Variants in SLIT3 observed in about 807,000 individuals in gnomAD.
SLIT3 encodes slit guidance ligand 3, also known as slit homolog 3 protein.
Under a neutral mutation model 184.0 loss-of-function variants are expected in SLIT3, and 68 were observed. The ratio of observed to expected loss-of-function variants is 0.37; its 90% CI spans 0.30 to 0.45. The LOEUF (loss-of-function observed/expected upper bound fraction) is 0.45, where lower values mean the gene tolerates loss of function less well. SLIT3 is among the 20% of genes least tolerant of loss of function. SLIT3 has a pLI of 1.00. For missense variants in SLIT3, 1,707 were observed against 2,026.0 expected (o/e 0.84, Z 3.02); for synonymous variants, 831 against 828.6 (o/e 1.00, Z -0.05).
chr5:169,077,167 A>G (rs1453767952), intron 4 of SLIT3, among the ~76,000 whole-genome samples: 1 of 152,156 alleles, frequency 6.6e-6, no homozygotes. Flanking sequence ...ATCCATTTCC[A>G]TTTAATGAAT....
Position 168,688,950 on chromosome 5 carries a change from C to T in SLIT3, c.3177-1834G>A, listed in dbSNP as rs142912029. On this transcript the variant is annotated intron_variant, in intron 29 of 35. Coordinates refer to ENST00000519560, the MANE Select transcript of SLIT3 (RefSeq NM_003062.4). ...AATATTTTAAGCCTGGACTTCAAGG[C>T]TACTGGTGAGATCTTTATTAAGAAT... Among the ~76,000 whole-genome samples the T allele has an allele frequency of 9.2e-5, 14 of 152,342 alleles. No individual in the cohort carries two copies. In the East Asian group the frequency reaches 1.9e-3, roughly 21 times the overall value.
At position 169,256,716 on chromosome 5, in the gene SLIT3, G is replaced by A. The variant is rs148842363; in HGVS notation, c.198-5257C>T. Among the ~76,000 whole-genome samples, 21 of 152,252 alleles carry A rather than the reference G, an allele frequency of 1.4e-4. 1 individual carries two copies. The South Asian group carries it at 2.3e-3, about 17-fold the overall frequency. The stretch of plus-strand genomic sequence containing the variant: ...CATTCACATGGCTTTTGGTGGCAAG[G>A]CCTTTCTGAGACTTTTGTGCCACCT... On this transcript the variant is annotated intron_variant, in intron 1 of 35. Coordinates refer to ENST00000519560, the MANE Select transcript of SLIT3 (RefSeq NM_003062.4).
chr5:168,864,174 G>A (rs993806260), intron 5 of SLIT3, among the ~76,000 whole-genome samples: 8 of 152,138 alleles, frequency 5.3e-5, no homozygotes, highest in South Asian at 2.1e-4. Flanking sequence ...ACTCCAGCCC[G>A]GCCGACAAAG....
chr5:169,247,660 A>G (rs1388670063), intron 2 of SLIT3, among the ~76,000 whole-genome samples: 2 of 152,134 alleles, frequency 1.3e-5, no homozygotes, highest in Admixed American at 1.3e-4. Context: ...GGCTTCATCA[A>G]GAAGTTTTTT....
chr5:169,092,469 T>C (rs947973954), intron 4 of SLIT3, among the ~76,000 whole-genome samples: 1 of 152,152 alleles, frequency 6.6e-6, no homozygotes, highest in Non-Finnish European at 1.5e-5. Context: ...GCTACCGAAG[T>C]CTCAGTGGGA....
At chr5:169,040,121 A>T (rs1757397680) in intron 4 of SLIT3, among the ~76,000 whole-genome samples, 1 of 152,220 alleles carries the variant, frequency 6.6e-6, no homozygotes, top group South Asian at 2.1e-4. Context: ...CACGTAATCT[A>T]ATTCCTATCG....
At chr5:168,764,280 G>A (rs1755255979) in intron 14 of SLIT3, among the ~76,000 whole-genome samples, 1 of 152,182 alleles carries the variant, frequency 6.6e-6, no homozygotes, top group Non-Finnish European at 1.5e-5. Context: ...CATATACTGA[G>A]CCGGGCACTA....
At chr5:168,793,344 A>G (rs1406601897) in intron 10 of SLIT3, among the ~76,000 whole-genome samples, 2 of 152,142 alleles carry the variant, frequency 1.3e-5, no homozygotes, top group African/African-American at 4.8e-5. Context: ...TAAACTGGTC[A>G]CGTATATTTA....
At chr5:168,781,152 CT>C in intron 12 of SLIT3, among the ~76,000 whole-genome samples, 1 of 152,316 alleles carries the variant, frequency 6.6e-6, no homozygotes. Flanking sequence ...AAAACAAGAC[CT>C]CTTTCTACCC....
At chr5:168,958,685 C>A (rs1322087125) in intron 4 of SLIT3, among the ~76,000 whole-genome samples, 5 of 152,204 alleles carry the variant, frequency 3.3e-5, no homozygotes, top group Admixed American at 3.3e-4. Flanking sequence ...ATTGGGAAGA[C>A]TTTTCCCCCT....
intron 4 of SLIT3, among the ~76,000 whole-genome samples, chr5:169,128,957 T>C (rs1044620658): frequency 2.6e-5 from 4 of 151,966 alleles, no homozygotes; most frequent in African/African-American, 9.7e-5. Context: ...GAAAGATACA[T>C]ATACTCACAG....
At chr5:168,759,302 G>A (rs575381254) in intron 16 of SLIT3, among the ~76,000 whole-genome samples, 24 of 152,142 alleles carry the variant, frequency 1.6e-4, no homozygotes, top group African/African-American at 5.6e-4. Flanking sequence ...TCAACCTATC[G>A]ACGTATAACC....
At chr5:169,013,832 C>T (rs954840414) in intron 4 of SLIT3, among the ~76,000 whole-genome samples, 14 of 152,158 alleles carry the variant, frequency 9.2e-5, no homozygotes, top group African/African-American at 4.8e-5. Context: ...CTCACATTGT[C>T]GTATTTTCTC....
chr5:169,260,464 A>C (rs1006632479), intron 1 of SLIT3, among the ~76,000 whole-genome samples: 1 of 152,158 alleles, frequency 6.6e-6, no homozygotes, highest in African/African-American at 2.4e-5. Flanking sequence ...CCTCCCTGAG[A>C]GCTCACCCAC....
intron 20 of SLIT3, among the ~76,000 whole-genome samples, chr5:168,745,916 C>A (rs754363925): frequency 6.6e-6 from 1 of 152,140 alleles, no homozygotes. Flanking sequence ...ACAAGACCCC[C>A]GACTAGGAAA....
At chr5:168,771,139 A>AGT (rs1407545552) in intron 14 of SLIT3, among the ~76,000 whole-genome samples, 4 of 152,196 alleles carry the variant, frequency 2.6e-5, no homozygotes, top group African/African-American at 9.7e-5. Context: ...GGCAGAGCTA[A>AGT]TTAACTCAGC....
intron 5 of SLIT3, among the ~76,000 whole-genome samples, chr5:168,882,501 C>T (rs1561984929): frequency 6.6e-6 from 1 of 152,198 alleles, no homozygotes; most frequent in Admixed American, 6.5e-5. Flanking sequence ...ACTACCTATG[C>T]CTGCGCTCAC....
intron 9 of SLIT3, among the ~76,000 whole-genome samples, chr5:168,804,613 C>A (rs62378495): frequency 3.9e-5 from 6 of 152,052 alleles, no homozygotes; most frequent in African/African-American, 1.4e-4. Context: ...CCGCAGAAGG[C>A]GGAGAGGGCA....
intron 5 of SLIT3, chr5:168,844,895 C>T (rs1043016468): frequency 8.6e-6 from 3 of 349,264 alleles, no homozygotes; most frequent in Admixed American, 5.0e-5. Context: ...ATTAATTGCG[C>T]ATTTTTTTTT....
Sources: gnomAD v4.1 joint callset for allele counts (sites outside exome capture counted in the v4.1 genomes callset) on GRCh38, gnomAD v4.1.1 for gene constraint, MANE v1.5 for transcripts, NCBI Gene and HGNC (gene_info 2026-07-23, HGNC 2026-07-21) for gene names.